The following USP10 variants were observed in gnomAD, a reference collection of about 807,000 sequenced individuals.
The protein encoded by USP10 is ubiquitin carboxyl-terminal hydrolase 10.
A neutral mutation model predicts 84.5 loss-of-function variants in USP10; 22 were observed. The observed-to-expected ratio is 0.26, with a 90% confidence interval of 0.19 to 0.37. The LOEUF is 0.37. USP10 is among the 10% of genes least tolerant of loss of function. The probability of loss-of-function intolerance (pLI) is 1.00; values close to 1 mark genes in which losing one functional copy is unlikely to be tolerated. For synonymous variants in USP10, 454 were observed against 387.6 expected, an observed-to-expected ratio of 1.17 and a Z score of -2.01; for missense variants, 1,019 against 998.9, an observed-to-expected ratio of 1.02 and a Z score of -0.27.
chr16:84,763,311 C>G (rs1245002685), intron 9 of USP10, among the ~76,000 whole-genome samples: 1 of 152,144 alleles, frequency 6.6e-6, no homozygotes, highest in East Asian at 1.9e-4. Context: ...GGAAAATGAT[C>G]AAGCCTATAA....
At chr16:84,776,462 T>C (rs1391481651) in intron 13 of USP10, among the ~76,000 whole-genome samples, 1 of 152,232 alleles carries the variant, frequency 6.6e-6, no homozygotes, top group Non-Finnish European at 1.5e-5. Context: ...TTGCTGGGCC[T>C]CAGATGGGAC....
At chr16:84,729,425 C>G (rs1221077018) in intron 1 of USP10, among the ~76,000 whole-genome samples, 2 of 152,114 alleles carry the variant, frequency 1.3e-5, no homozygotes, top group Non-Finnish European at 2.9e-5. Context: ...TAGAGGATTC[C>G]TTTATATGTG....
intron 4 of USP10, among the ~76,000 whole-genome samples, chr16:84,749,594 C>T (rs761576896): frequency 6.6e-6 from 1 of 151,134 alleles, no homozygotes; most frequent in Admixed American, 6.6e-5. Context: ...AAAAATTATA[C>T]ACACACAAAA....
chr16:84,762,935 A>C, intron 8 of USP10, 54 bp from the exon 9 acceptor site: 1 of 1,122,270 alleles, frequency 8.9e-7, no homozygotes. Context: ...CATGTCCTGC[A>C]GGCCTTTGAC....
intron 9 of USP10, among the ~76,000 whole-genome samples, chr16:84,763,437 A>G (rs192423804): frequency 6.6e-6 from 1 of 152,228 alleles, no homozygotes; most frequent in Non-Finnish European, 1.5e-5. Flanking sequence ...TTATCTGTCC[A>G]TCCATATATA....
intron 4 of USP10, among the ~76,000 whole-genome samples, chr16:84,752,218 C>G (rs911048590): frequency 6.6e-6 from 1 of 152,152 alleles, no homozygotes; most frequent in African/African-American, 2.4e-5. Context: ...GCAGCCCCAC[C>G]AACTCCTGTG....
rs781621967 is a variant in USP10 at position 84,775,223 on chromosome 16, C to G, written c.2207C>G (p.Ala736Gly). 6.2e-7 allele frequency: 1 copy of G among 1,613,226 alleles called. No individual in the cohort carries two copies. Among genetic ancestry groups the G allele is most frequent in the Non-Finnish European group, 8.5e-7 (1 of 1,179,246 alleles). ...TGCCACCGAACCTATCGGCTCTTTG[C>G]AGGTGAGTAAATTTGTACGACATTA... ...FKCHRTYRLF[A>G]VVYHHGNSAT... The change falls in exon 13 of 14, where the codon GCA (alanine) becomes GGA (glycine). Residue 736 changes from alanine (A) to glycine (G), a missense_variant and splice_region_variant. By Grantham distance (60) the Ala-to-Gly change is moderately conservative. Coordinates refer to ENST00000219473, the MANE Select transcript of USP10 (RefSeq NM_005153.3).
At chr16:84,732,779 A>T (rs1038169099) in intron 1 of USP10, among the ~76,000 whole-genome samples, 1 of 152,114 alleles carries the variant, frequency 6.6e-6, no homozygotes, top group Non-Finnish European at 1.5e-5. Context: ...CTCCATGGAG[A>T]ATATGAACTG....
At position 84,745,340 on chromosome 16, in the gene USP10, G is replaced by A; in HGVS notation, c.859G>A (p.Gly287Arg). The A allele has an allele frequency of 6.2e-7, 1 of 1,613,070 alleles. No individual in the cohort carries two copies. Among genetic ancestry groups the A allele is most frequent in the Non-Finnish European group, 8.5e-7 (1 of 1,179,730 alleles). ...TACTGAAAACCTTGGAGTTGCTAAT[G>A]GACAAATACTTGAATCCTCGGGTGA... is the stretch of plus-strand genomic sequence containing the variant. ...DTTENLGVAN[G>R]QILESSGEGT... The change falls in exon 4 of 14, where the codon GGA becomes AGA. Residue 287 changes from glycine (G) to arginine (R), a missense_variant. Physicochemically the swap from Gly to Arg is moderately radical, Grantham distance 125. Coordinates refer to ENST00000219473, the MANE Select transcript of USP10 (RefSeq NM_005153.3).
chr16:84,722,269 G>C (rs930383104), intron 1 of USP10, among the ~76,000 whole-genome samples: 1 of 152,214 alleles, frequency 6.6e-6, no homozygotes, highest in African/African-American at 2.4e-5. Context: ...TGAGTGTTGA[G>C]TTCCAGCCTT....
At chr16:84,704,263 G>C (rs1905216777) in intron 1 of USP10, among the ~76,000 whole-genome samples, 2 of 152,168 alleles carry the variant, frequency 1.3e-5, no homozygotes, top group Non-Finnish European at 2.9e-5. Flanking sequence ...TGGTTGCTGA[G>C]GACACTTATT....
chr16:84,739,849 C>G (rs980511799), intron 2 of USP10, among the ~76,000 whole-genome samples: 1 of 152,188 alleles, frequency 6.6e-6, no homozygotes, highest in African/African-American at 2.4e-5. Context: ...CTCTGCTCTC[C>G]GACCATGGAC....
At chr16:84,777,871 C>T (rs1172329647) in intron 13 of USP10, among the ~76,000 whole-genome samples, 1 of 152,234 alleles carries the variant, frequency 6.6e-6, no homozygotes, top group Non-Finnish European at 1.5e-5. Flanking sequence ...CGCAGCTTAG[C>T]AGGCTGCCCT....
At chr16:84,732,185 A>ATGTG (rs1909321944) in intron 1 of USP10, among the ~76,000 whole-genome samples, 1 of 152,202 alleles carries the variant, frequency 6.6e-6, no homozygotes, top group Non-Finnish European at 1.5e-5. Context: ...CACATTTACA[A>ATGTG]TAATAATGAG....
chr16:84,754,618 T>A (rs894930734), intron 4 of USP10, among the ~76,000 whole-genome samples: 4 of 152,216 alleles, frequency 2.6e-5, no homozygotes, highest in Admixed American at 2.6e-4. Context: ...AAACTGCTTT[T>A]TAACCTGCCT....
At position 84,779,778 on chromosome 16, in the gene USP10, T is replaced by C. The variant is rs2150884034; in HGVS notation, c.*696T>C. On this transcript the variant is annotated 3_prime_UTR_variant, in exon 14 of 14. Coordinates refer to ENST00000219473, the MANE Select transcript of USP10 (RefSeq NM_005153.3). ...GTACACATAATGAAAAATGGGCAAATAATGAAGATCTCTCCTTCAGTCTGC... is the reference window on the plus strand; with the variant it reads ...GTACACATAATGAAAAATGGGCAAACAATGAAGATCTCTCCTTCAGTCTGC... The C allele has an allele frequency of 6.5e-6, 1 of 152,776 alleles. No homozygotes were observed. The highest frequency in any genetic ancestry group is 2.4e-5 in the African/African-American group (1 of 41,562). 9.5% of individuals were successfully genotyped at this position (152,776 alleles called of 1,614,324 possible). A position where few individuals can be genotyped will look rare whatever the true frequency, so the allele number is the denominator to read the frequency against.
At chr16:84,719,887 G>A (rs1175323674) in intron 1 of USP10, among the ~76,000 whole-genome samples, 1 of 152,258 alleles carries the variant, frequency 6.6e-6, no homozygotes, top group African/African-American at 2.4e-5. Context: ...AACTGAGACA[G>A]CAAACAGTGG....
chr16:84,739,757 C>A (rs890288311), intron 2 of USP10, among the ~76,000 whole-genome samples: 1 of 152,208 alleles, frequency 6.6e-6, no homozygotes, highest in Non-Finnish European at 1.5e-5. Context: ...AATGTGACTT[C>A]TAGCTGTTAA....
In USP10 at chr16:84,705,520, C is replaced by T. The variant is rs140689262; in HGVS notation, c.21+5409C>T. 3.2e-3 allele frequency among the ~76,000 whole-genome samples: 484 copies of T among 150,198 alleles called. 2 individuals are homozygous for T. Among genetic ancestry groups the T allele is most frequent in the Non-Finnish European group, 5.5e-3 (372 of 67,334 alleles). ...TGCTGGGATTATAGGCGTGAGCCAC[C>T]ACACCCAGCCACTCCTGTGCCTTTT... On this transcript the variant is annotated intron_variant, in intron 1 of 13. Transcript: ENST00000219473.
Sources: gnomAD v4.1 joint callset for allele counts (sites outside exome capture counted in the v4.1 genomes callset) on GRCh38, gnomAD v4.1.1 for gene constraint, MANE v1.5 for transcripts, NCBI Gene and HGNC (gene_info 2026-07-23, HGNC 2026-07-21) for gene names.